Variants in SH3GL3 observed in about 807,000 individuals in gnomAD.
SH3GL3 encodes the protein endophilin-A3.
A neutral mutation model predicts 47.7 loss-of-function variants in SH3GL3; 33 were observed. The ratio of observed to expected loss-of-function variants is 0.69; its 90% confidence interval spans 0.52 to 0.92. SH3GL3 has a LOEUF of 0.92. Ranked by LOEUF, SH3GL3 falls within the 40% of genes least tolerant of loss-of-function variation. The pLI, the probability that SH3GL3 is intolerant of heterozygous loss-of-function variation, is 0.00. For synonymous variants in SH3GL3, 155 were observed against 148.8 expected, an observed-to-expected ratio of 1.04 and a Z score of -0.30; for missense variants, 363 against 417.8, an observed-to-expected ratio of 0.87 and a Z score of 1.14.
intron 1 of SH3GL3, among the ~76,000 whole-genome samples, chr15:83,450,920 G>A (rs896414288): frequency 7.8e-6 from 1 of 128,220 alleles, no homozygotes; most frequent in Non-Finnish European, 1.6e-5. Context: ...GTGTCATCTA[G>A]CATTAGGTAT....
intron 4 of SH3GL3, 42 bp downstream of exon 4, chr15:83,568,714 C>G (rs1245909001): frequency 6.5e-7 from 1 of 1,537,240 alleles, no homozygotes; most frequent in East Asian, 2.3e-5. Context: ...GAGAACTCCT[C>G]CAGTATGGTT....
the SH3GL3 span, among the ~76,000 whole-genome samples, chr15:83,628,054 T>C: frequency 6.6e-6 from 1 of 152,196 alleles, no homozygotes; most frequent in African/African-American, 2.4e-5. Flanking sequence ...GCCTATAACA[T>C]TGAGCTTACC....
intron 1 of SH3GL3, among the ~76,000 whole-genome samples, chr15:83,458,066 C>T (rs1046735405): frequency 5.3e-5 from 8 of 152,186 alleles, no homozygotes; most frequent in Non-Finnish European, 1.5e-5. Context: ...GAAGCTATTA[C>T]TGGCATGCTT....
At chr15:83,487,203 G>GT (rs34332284) in intron 1 of SH3GL3, among the ~76,000 whole-genome samples, 3,919 of 126,724 alleles carry the variant, frequency 0.031, 74 homozygotes, top group Admixed American at 0.037. Flanking sequence ...CGGTTTACCT[G>GT]TTTTTTTTTT....
intron 1 of SH3GL3, among the ~76,000 whole-genome samples, chr15:83,477,796 A>G (rs1259113774): frequency 1.3e-5 from 2 of 152,174 alleles, no homozygotes; most frequent in African/African-American, 2.4e-5. Flanking sequence ...ATCAGCCAAA[A>G]TTGTCCTAAT....
At chr15:83,626,321 A>T in the SH3GL3 span, among the ~76,000 whole-genome samples, 1 of 152,202 alleles carries the variant, frequency 6.6e-6, no homozygotes, top group South Asian at 2.1e-4. Flanking sequence ...CATGCCAGCC[A>T]GTCACTTCCT....
intron 1 of SH3GL3, among the ~76,000 whole-genome samples, chr15:83,484,899 G>A (rs953166040): frequency 2.0e-5 from 3 of 152,082 alleles, no homozygotes; most frequent in Non-Finnish European, 4.4e-5. Context: ...CTTCTGTTGC[G>A]AACAACAATG....
At chr15:83,487,201 CTGTT>C (rs1157537680) in intron 1 of SH3GL3, among the ~76,000 whole-genome samples, 15 of 108,618 alleles carry the variant, frequency 1.4e-4, no homozygotes, top group African/African-American at 7.2e-4. Context: ...ACCGGTTTAC[CTGTT>C]TTTTTTTTTT....
At chr15:83,607,632 T>C (rs1428322769) in intron 8 of SH3GL3, among the ~76,000 whole-genome samples, 1 of 152,020 alleles carries the variant, frequency 6.6e-6, no homozygotes, top group Non-Finnish European at 1.5e-5. Context: ...ATAGCTAGCC[T>C]TTCTGATTTT....
At chr15:83,622,381 A>G (rs2060917462), downstream of SH3GL3, among the ~76,000 whole-genome samples, 2 of 152,226 alleles carry the variant, frequency 1.3e-5, no homozygotes, top group African/African-American at 2.4e-5. Context: ...TAGATGTCAC[A>G]TTAGGAATTT....
chr15:83,500,624 T>A (rs2042255642), intron 1 of SH3GL3, among the ~76,000 whole-genome samples: 1 of 152,236 alleles, frequency 6.6e-6, no homozygotes, highest in Admixed American at 6.5e-5. Context: ...TTGGCTCCTA[T>A]GGTGAACCTC....
intron 8 of SH3GL3, among the ~76,000 whole-genome samples, chr15:83,601,845 T>C (rs2060390480): frequency 6.6e-6 from 1 of 151,050 alleles, no homozygotes; most frequent in South Asian, 2.1e-4. Flanking sequence ...TTTTTTTTGG[T>C]AATTTTAAAA....
At chr15:83,614,919 C>G (rs369507971) in intron 8 of SH3GL3, among the ~76,000 whole-genome samples, 4 of 152,160 alleles carry the variant, frequency 2.6e-5, no homozygotes, top group African/African-American at 9.7e-5. Context: ...ATTTGGCCAG[C>G]CACAGAAATA....
intron 6 of SH3GL3, among the ~76,000 whole-genome samples, chr15:83,579,338 C>CAGCTCTGGGGAGTCAGGGCTGCT (rs1276571718): frequency 7.2e-5 from 11 of 152,294 alleles, no homozygotes; most frequent in Admixed American, 7.2e-4. Context: ...TTCCCCTGTT[C>CAGCTCTGGGGAGTCAGGGCTGCT]AGCTCTGGGG....
chr15:83,478,143 T>C (rs980779289), intron 1 of SH3GL3, among the ~76,000 whole-genome samples: 1 of 152,190 alleles, frequency 6.6e-6, no homozygotes, highest in African/African-American at 2.4e-5. Context: ...CTAGTCATTC[T>C]GAGAAGACCA....
At chr15:83,466,563 A>G (rs1368549036) in intron 1 of SH3GL3, among the ~76,000 whole-genome samples, 1 of 152,194 alleles carries the variant, frequency 6.6e-6, no homozygotes, top group Non-Finnish European at 1.5e-5. Context: ...GAAAGGTACT[A>G]CTTTGCAGGT....
intron 1 of SH3GL3, among the ~76,000 whole-genome samples, chr15:83,481,796 T>G (rs1247335865): frequency 1.3e-5 from 2 of 152,220 alleles, no homozygotes; most frequent in Admixed American, 1.3e-4. Flanking sequence ...TCTTGCTATT[T>G]CTCTCTCCAA....
chr15:83,472,657 T>C (rs2040884591), intron 1 of SH3GL3, among the ~76,000 whole-genome samples: 1 of 152,218 alleles, frequency 6.6e-6, no homozygotes. Context: ...TTAGAATCTT[T>C]GTCAGATAAT....
downstream of SH3GL3, among the ~76,000 whole-genome samples, chr15:83,623,374 G>A (rs1299471659): frequency 1.3e-5 from 2 of 152,240 alleles, no homozygotes; most frequent in Non-Finnish European, 2.9e-5. Flanking sequence ...CTGGGGGATA[G>A]TTGGCTGTTG....
Sources: allele counts gnomAD v4.1 joint callset (sites outside exome capture counted in the v4.1 genomes callset), GRCh38; gene constraint gnomAD v4.1.1; transcripts MANE v1.5; gene names NCBI Gene and HGNC (gene_info 2026-07-23, HGNC 2026-07-21).